Variants in SLC6A15 observed in about 807,000 individuals in gnomAD.
SLC6A15 encodes the protein solute carrier family 6 member 15, also known as sodium-dependent neutral amino acid transporter B(0)AT2.
In SLC6A15, 33 loss-of-function variants were observed where a neutral mutation model predicts 68.5. The observed-to-expected ratio is 0.48, with a 90% confidence interval of 0.37 to 0.64. The LOEUF is 0.64. Among genes scored for constraint, SLC6A15 ranks in the 30% least tolerant of loss-of-function variants. The pLI, the probability that SLC6A15 is intolerant of heterozygous loss-of-function variation, is 0.00. For missense variants in SLC6A15, 747 were observed against 874.3 expected, an observed-to-expected ratio of 0.85 and a Z score of 1.84; for synonymous variants, 347 against 301.0, an observed-to-expected ratio of 1.15 and a Z score of -1.58.
At position 84,904,091 on chromosome 12, in the gene SLC6A15, C is replaced by T. The variant is rs148917286; in HGVS notation, c.-189+8432G>A. Among the ~76,000 whole-genome samples the T allele has an allele frequency of 4.5e-3, 676 of 151,842 alleles. 2 individuals carry two copies. The highest frequency in any genetic ancestry group is 0.016 in the African/African-American group (648 of 41,374). On this transcript the variant is annotated intron_variant, in intron 1 of 11. Coordinates refer to ENST00000266682, the MANE Select transcript of SLC6A15 (RefSeq NM_182767.6). The stretch of plus-strand genomic sequence containing the variant: ...CAGTGAAACTATGCAAGTTCCAAGG[C>T]TATAGAAGCTTGGCAGTTTCTGCTT...
At chr12:84,867,296 A>G (rs1040541437) in intron 9 of SLC6A15, 103 bp from the exon 10 acceptor site, 1 of 949,392 alleles carries the variant, frequency 1.1e-6, no homozygotes, top group African/African-American at 1.7e-5. Context: ...CTTTTATAAC[A>G]TGTCCATCAT....
Position 84,898,856 on chromosome 12 carries a change from A to G in SLC6A15, c.-188-6548T>C, listed in dbSNP as rs1206354552. Among the ~76,000 whole-genome samples, 4 of 152,240 alleles carry G rather than the reference A, an allele frequency of 2.6e-5. No individual in the cohort carries two copies. In the East Asian group the frequency reaches 7.7e-4, roughly 29 times the overall value. ...TTGTCTCAGTTATCCATGGCTGCAC[A>G]TCAAATCTCCTTTATATTTAGTGGC... On this transcript the variant is annotated intron_variant, in intron 1 of 11. Transcript: ENST00000266682.
At chr12:84,900,162 A>T (rs1872795481) in intron 1 of SLC6A15, among the ~76,000 whole-genome samples, 1 of 152,014 alleles carries the variant, frequency 6.6e-6, no homozygotes, top group Admixed American at 6.6e-5. Context: ...TTCTCTCAAC[A>T]GTGTTTCAGA....
chr12:84,890,056 C>T (rs919721899), intron 2 of SLC6A15, among the ~76,000 whole-genome samples: 2 of 151,964 alleles, frequency 1.3e-5, no homozygotes, highest in African/African-American at 4.8e-5. Flanking sequence ...AGATATTCCT[C>T]CAACAATTAG....
At chr12:84,869,942 A>G (rs1592593990) in intron 9 of SLC6A15, among the ~76,000 whole-genome samples, 1 of 152,108 alleles carries the variant, frequency 6.6e-6, no homozygotes, top group African/African-American at 2.4e-5. Context: ...GTACTTTAAT[A>G]ATCACTTGTA....
intron 4 of SLC6A15, 76 bp from the exon 5 acceptor site, chr12:84,884,116 G>T: frequency 8.3e-7 from 1 of 1,208,892 alleles, no homozygotes. Flanking sequence ...CAATAAACCT[G>T]TAAGTGAATT....
At position 84,885,481 on chromosome 12, in the gene SLC6A15, G is replaced by A. The variant is rs374620247; in HGVS notation, c.528C>T (p.Pro176=). 35 of 1,613,340 alleles carry A rather than the reference G, an allele frequency of 2.2e-5. No homozygotes were observed. Among genetic ancestry groups the A allele is most frequent in the Non-Finnish European group, 3.0e-5 (35 of 1,179,682 alleles). The change falls in exon 4 of 12, where the codon CCC becomes CCT. Residue 176 remains proline (P), a synonymous_variant. Coordinates refer to ENST00000266682, the MANE Select transcript of SLC6A15 (RefSeq NM_182767.6). ...CCAAAGGACACTGATCCCAAGGCAG[G>A]GGTTGCTGAAAAGACTGAGAAAAAT... ...LFYFSQSFQQ[P]LPWDQCPLVK...
intron 10 of SLC6A15, among the ~76,000 whole-genome samples, chr12:84,865,285 T>G (rs1019371007): frequency 6.6e-6 from 1 of 152,208 alleles, no homozygotes; most frequent in African/African-American, 2.4e-5. Context: ...GAGTATTTTT[T>G]GATTACACAC....
chr12:84,874,654 A>G (rs1871434153), intron 6 of SLC6A15: 1 of 152,210 alleles, frequency 6.6e-6, no homozygotes, highest in Non-Finnish European at 1.5e-5. Flanking sequence ...TAATTTATGA[A>G]CAATTAACAT....
intron 5 of SLC6A15, chr12:84,881,968 AG>A (rs1565725972): frequency 1.0e-6 from 1 of 982,956 alleles, no homozygotes; most frequent in Non-Finnish European, 1.2e-6. Flanking sequence ...TCTTTTCCTG[AG>A]GCATTCTCAT....
intron 1 of SLC6A15, among the ~76,000 whole-genome samples, chr12:84,894,022 G>T (rs1872534695): frequency 6.6e-6 from 1 of 152,066 alleles, no homozygotes; most frequent in South Asian, 2.1e-4. Context: ...AGGCCGAGAA[G>T]CGATCACAGT....
intron 1 of SLC6A15, among the ~76,000 whole-genome samples, chr12:84,902,444 T>G (rs566920415): frequency 6.6e-6 from 1 of 151,974 alleles, no homozygotes; most frequent in East Asian, 1.9e-4. Context: ...GAAAAACAAC[T>G]TGGTTACTTT....
In SLC6A15 at chr12:84,881,600, G is replaced by C. The variant is rs942494752; in HGVS notation, c.756+2259C>G. On this transcript the variant is annotated intron_variant, in intron 5 of 11. Coordinates refer to ENST00000266682, the MANE Select transcript of SLC6A15 (RefSeq NM_182767.6). ...ATGCAGTTTCCACTTAGCATTTTGG[G>C]GTATATGTATATGCATGTATGACTG... The C allele has an allele frequency of 3.2e-5, 32 of 985,108 alleles. No homozygotes were observed. In the Admixed American group the frequency reaches 1.5e-3, roughly 45 times the overall value. 61.0% of individuals were successfully genotyped at this position (985,108 alleles called of 1,614,324 possible). A position where few individuals can be genotyped will look rare whatever the true frequency, so the allele number is the denominator to read the frequency against.
Position 84,863,606 on chromosome 12 carries a change from A to G in SLC6A15, c.1656-5T>C. ...TCTTTTAGGTCTTCCATAAACCTGA[A>G]TAAAAAGAAAGTATTTAATTATTCC... is the stretch of plus-strand genomic sequence containing the variant. On this transcript the variant is annotated splice_polypyrimidine_tract_variant and splice_region_variant and intron_variant, in intron 10 of 11. Transcript: ENST00000266682. The G allele has an allele frequency of 6.6e-7, 1 of 1,512,106 alleles. No individual in the cohort carries two copies. The allele number at this position is 1,512,106 out of a possible 1,614,324, so 93.7% of individuals were successfully genotyped here.
rs558496335 is a variant in SLC6A15 at position 84,904,753 on chromosome 12, A to G, written c.-189+7770T>C. Reference sequence around the variant, plus strand: ...TATCGTAAGTGAAACAGGAATTATCATTGCAAAATCTGCAGACATCAAAAT... The same window carrying G: ...TATCGTAAGTGAAACAGGAATTATCGTTGCAAAATCTGCAGACATCAAAAT... On this transcript the variant is annotated intron_variant, in intron 1 of 11. Coordinates refer to ENST00000266682, the MANE Select transcript of SLC6A15 (RefSeq NM_182767.6). 1.8e-4 allele frequency among the ~76,000 whole-genome samples: 27 copies of G among 152,338 alleles called. No homozygotes were observed. The South Asian group carries it at 5.4e-3, about 30-fold the overall frequency.
chr12:84,888,584 T>A (rs1872229073), intron 2 of SLC6A15, among the ~76,000 whole-genome samples: 1 of 152,098 alleles, frequency 6.6e-6, no homozygotes, highest in Non-Finnish European at 1.5e-5. Context: ...GCATACAGTA[T>A]GATGTAATGC....
At chr12:84,869,589 C>G (rs1871205644) in intron 9 of SLC6A15, among the ~76,000 whole-genome samples, 1 of 151,434 alleles carries the variant, frequency 6.6e-6, no homozygotes, top group African/African-American at 2.4e-5. Flanking sequence ...TTTCTGTACT[C>G]TAGTATGGTT....
intron 1 of SLC6A15, among the ~76,000 whole-genome samples, chr12:84,911,033 G>C (rs942680349): frequency 6.6e-6 from 1 of 151,938 alleles, no homozygotes; most frequent in African/African-American, 2.4e-5. Context: ...TATTAAGAAC[G>C]TACAAGTCAA....
intron 5 of SLC6A15, among the ~76,000 whole-genome samples, chr12:84,877,053 T>C (rs1871580596): frequency 6.6e-6 from 1 of 152,232 alleles, no homozygotes; most frequent in Non-Finnish European, 1.5e-5. Flanking sequence ...ATTGTTCCTA[T>C]GCTGTATCTT....
Sources: gnomAD v4.1 joint callset for allele counts (sites outside exome capture counted in the v4.1 genomes callset) on GRCh38, gnomAD v4.1.1 for gene constraint, MANE v1.5 for transcripts, NCBI Gene and HGNC (gene_info 2026-07-23, HGNC 2026-07-21) for gene names.